TANC2: variants seen among roughly 807,000 people sequenced by gnomAD.
The protein encoded by TANC2 is protein TANC2.
In TANC2, 26 loss-of-function variants were observed where a neutral mutation model predicts 210.5. The ratio of observed to expected loss-of-function variants is 0.12; its 90% CI spans 0.09 to 0.17. The LOEUF (loss-of-function observed/expected upper bound fraction) is 0.17, where lower values mean the gene tolerates loss of function less well. Among genes scored for constraint, TANC2 ranks in the 10% least tolerant of loss-of-function variants. TANC2 has a pLI of 1.00. For missense variants in TANC2, 2,129 were observed against 2,608.9 expected (o/e 0.82, Z 4.01); for synonymous variants, 931 against 967.1 (o/e 0.96, Z 0.69).
At chr17:62,996,888 A>G (rs1448661926) in intron 1 of TANC2, among the ~76,000 whole-genome samples, 1 of 148,714 alleles carries the variant, frequency 6.7e-6, no homozygotes, top group Non-Finnish European at 1.5e-5. Flanking sequence ...ATCTGGGTTC[A>G]CTGCAACCTC....
chr17:63,200,941 A>G, exon 7 of TANC2: 1 of 1,605,258 alleles, frequency 6.2e-7, no homozygotes, highest in South Asian at 1.1e-5. Context: ...TTGAAAGCAG[A>G]GATAGTGGCA....
At chr17:62,971,717 G>T (rs941684445) in intron 1 of TANC2, among the ~76,000 whole-genome samples, 2 of 152,180 alleles carry the variant, frequency 1.3e-5, no homozygotes, top group African/African-American at 4.8e-5. Context: ...GAGGTGAGTG[G>T]CTGGCCAGCC....
intron 4 of TANC2, among the ~76,000 whole-genome samples, chr17:63,118,497 A>C (rs2038336953): frequency 6.6e-6 from 1 of 152,194 alleles, no homozygotes. Flanking sequence ...AATGTCTTGA[A>C]AGTAGGAACT....
At chr17:63,256,397 T>C (rs2043196310) in intron 8 of TANC2, among the ~76,000 whole-genome samples, 1 of 152,226 alleles carries the variant, frequency 6.6e-6, no homozygotes, top group African/African-American at 2.4e-5. Context: ...TTCCATGTGT[T>C]TGTATAGTAT....
intron 1 of TANC2, among the ~76,000 whole-genome samples, chr17:63,009,061 A>G (rs2033750952): frequency 6.6e-6 from 1 of 152,068 alleles, no homozygotes. Flanking sequence ...CTTTTTTATC[A>G]TATAGTTACA....
In TANC2 at chr17:62,966,425, C is replaced by A. The variant is rs1015628429; in HGVS notation, c.-348C>A. Among the ~76,000 whole-genome samples, 1 of 148,006 alleles carries A rather than the reference C, an allele frequency of 6.8e-6. No individual in the cohort carries two copies. The highest frequency in any genetic ancestry group is 1.5e-5 in the Non-Finnish European group (1 of 66,340). On this transcript the variant is annotated 5_prime_UTR_variant, in exon 1 of 28. Transcript: ENST00000689528. The surrounding 1 kb of genome is among the most constrained non-coding windows in gnomAD (Gnocchi z 5.1). Reference sequence around the variant, plus strand: ...GCCCTCCGCGCCTCCTTCGGGCGGCCCCGCCCCCATTCCCATCCCCCTCGC... The same window carrying A: ...GCCCTCCGCGCCTCCTTCGGGCGGCACCGCCCCCATTCCCATCCCCCTCGC...
At chr17:63,192,827 A>G (rs2041229396) in intron 5 of TANC2, among the ~76,000 whole-genome samples, 1 of 152,222 alleles carries the variant, frequency 6.6e-6, no homozygotes, top group South Asian at 2.1e-4. Context: ...CTAAATAAAT[A>G]TATACTCTTA....
At chr17:63,255,911 T>TTG (rs2043181688) in intron 8 of TANC2, among the ~76,000 whole-genome samples, 1 of 144,338 alleles carries the variant, frequency 6.9e-6, no homozygotes, top group Admixed American at 6.8e-5. Flanking sequence ...TTCTTTTTTT[T>TTG]TTTTTTTTTT....
chr17:63,092,548 C>T (rs1160876115), intron 3 of TANC2, among the ~76,000 whole-genome samples: 1 of 151,950 alleles, frequency 6.6e-6, no homozygotes, highest in African/African-American at 2.4e-5. Context: ...TTAATTGGCT[C>T]ACAATTCTGG....
At chr17:63,293,927 C>A (rs2044457895) in intron 9 of TANC2, among the ~76,000 whole-genome samples, 1 of 152,034 alleles carries the variant, frequency 6.6e-6, no homozygotes, top group East Asian at 1.9e-4. Flanking sequence ...TGAGGTTTTG[C>A]CATGTTATCC....
chr17:63,338,350 ATC>A (rs1567929129), intron 11 of TANC2, among the ~76,000 whole-genome samples: 3 of 152,244 alleles, frequency 2.0e-5, no homozygotes, highest in Non-Finnish European at 4.4e-5. Flanking sequence ...TTTTAATAAA[ATC>A]AGTAAAATAA....
chr17:63,395,723 C>A lies in TANC2; in HGVS notation c.3052-20C>A. The A allele has an allele frequency of 6.2e-7, 1 of 1,610,500 alleles. No individual in the cohort carries two copies. The highest frequency in any genetic ancestry group is 8.5e-7 in the Non-Finnish European group (1 of 1,178,224). ...GCCACAAGTCTGTGTTCACACATAT[C>A]TCCTGTCCTCTCCTCTTAGGTGGAT... On this transcript the variant is annotated intron_variant, in intron 17 of 27. Transcript: ENST00000689528.
chr17:63,357,978 C>T (rs1309214410), intron 14 of TANC2, among the ~76,000 whole-genome samples: 1 of 152,244 alleles, frequency 6.6e-6, no homozygotes, highest in Non-Finnish European at 1.5e-5. Context: ...CTGACATGTA[C>T]ATCTCTGTGG....
chr17:63,295,378 A>G (rs1301036417), intron 9 of TANC2, among the ~76,000 whole-genome samples: 1 of 152,266 alleles, frequency 6.6e-6, no homozygotes, highest in Non-Finnish European at 1.5e-5. Context: ...AGAACAAGTT[A>G]TCTTAATAGA....
At chr17:63,011,519 T>TA (rs2033872987) in intron 2 of TANC2, among the ~76,000 whole-genome samples, 1 of 152,112 alleles carries the variant, frequency 6.6e-6, no homozygotes, top group African/African-American at 2.4e-5. Flanking sequence ...TGTGATAAAA[T>TA]ACCACATTAT....
intron 5 of TANC2, among the ~76,000 whole-genome samples, chr17:63,165,272 A>AT (rs1215249639): frequency 5.5e-5 from 7 of 126,602 alleles, no homozygotes; most frequent in Non-Finnish European, 1.1e-4. Context: ...GTGAGACCCT[A>AT]TTTAAAAAAA....
At chr17:63,380,767 G>A (rs1043862953) in intron 15 of TANC2, among the ~76,000 whole-genome samples, 10 of 152,184 alleles carry the variant, frequency 6.6e-5, no homozygotes, top group Non-Finnish European at 1.5e-5. Flanking sequence ...AACTTCAAGA[G>A]CCTAGCAAAT....
chr17:63,005,310 T>A (rs1255331896), intron 1 of TANC2, among the ~76,000 whole-genome samples: 2 of 152,176 alleles, frequency 1.3e-5, no homozygotes. Flanking sequence ...TGTTAGTACT[T>A]CTGTTGATAC....
chr17:63,323,444 C>T (rs1337610271), intron 11 of TANC2, among the ~76,000 whole-genome samples: 1 of 152,156 alleles, frequency 6.6e-6, no homozygotes. Context: ...CTCCACTTAA[C>T]ATTACATATT....
Sources: gnomAD v4.1 joint callset for allele counts (sites outside exome capture counted in the v4.1 genomes callset) on GRCh38, gnomAD v4.1.1 for gene constraint, Gnocchi (gnomAD v3.1) non-coding constraint, MANE v1.5 for transcripts, NCBI Gene and HGNC (gene_info 2026-07-23, HGNC 2026-07-21) for gene names.